MTSS1: variants seen among roughly 807,000 people sequenced by gnomAD.
The protein encoded by MTSS1 is protein MTSS 1.
In MTSS1, 18 loss-of-function variants were observed where a neutral mutation model predicts 79.0. The observed-to-expected ratio is 0.23, with a 90% CI of 0.16 to 0.34. The LOEUF (loss-of-function observed/expected upper bound fraction) is 0.34. Ranked by LOEUF, MTSS1 falls within the 10% of genes least tolerant of loss-of-function variation. The probability of loss-of-function intolerance (pLI) is 1.00; values close to 1 mark genes in which losing one functional copy is unlikely to be tolerated. For missense variants in MTSS1, 815 were observed against 986.2 expected, an observed-to-expected ratio of 0.83 and a Z score of 2.33; for synonymous variants, 341 against 368.6, an observed-to-expected ratio of 0.93 and a Z score of 0.86.
rs150083467 is a variant in MTSS1 at position 124,722,885 on chromosome 8, G to A, written c.72+4999C>T. On this transcript the variant is annotated intron_variant, in intron 1 of 13. Coordinates refer to ENST00000518547, the MANE Select transcript of MTSS1 (RefSeq NM_014751.6). ...GACCTCATTTGTCCATACCCAATTCGAACATCTAAATGGTCTCACTACAGA... is the reference window on the plus strand; with the variant it reads ...GACCTCATTTGTCCATACCCAATTCAAACATCTAAATGGTCTCACTACAGA... Among the ~76,000 whole-genome samples the A allele has an allele frequency of 5.9e-5, 9 of 152,200 alleles. No individual in the cohort carries two copies. The East Asian group carries it at 1.7e-3, about 29-fold the overall frequency.
intron 3 of MTSS1, among the ~76,000 whole-genome samples, chr8:124,611,113 C>CCA (rs1554671348): frequency 1.3e-5 from 2 of 148,702 alleles, no homozygotes; most frequent in African/African-American, 5.0e-5. Flanking sequence ...CAGACCCCCC[C>CCA]CCCCCAGCAT....
intron 3 of MTSS1, among the ~76,000 whole-genome samples, chr8:124,679,192 A>G (rs902764478): frequency 1.3e-5 from 2 of 152,238 alleles, no homozygotes; most frequent in African/African-American, 4.8e-5. Flanking sequence ...TGGCATCTCA[A>G]CTTGGGTTTG....
chr8:124,715,684 CA>C (rs1407978435), intron 1 of MTSS1, among the ~76,000 whole-genome samples: 1 of 128,986 alleles, frequency 7.8e-6, no homozygotes, highest in Non-Finnish European at 1.6e-5. Flanking sequence ...TTTCCATAGC[CA>C]TTTTTTTTTT....
intron 3 of MTSS1, among the ~76,000 whole-genome samples, chr8:124,624,259 G>C (rs2133636475): frequency 6.6e-6 from 1 of 152,254 alleles, no homozygotes; most frequent in Admixed American, 6.5e-5. Context: ...TATTATTTTT[G>C]CACTATCAGA....
chr8:124,617,219 A>C (rs9987267), intron 3 of MTSS1, among the ~76,000 whole-genome samples: 1 of 151,962 alleles, frequency 6.6e-6, no homozygotes, highest in Non-Finnish European at 1.5e-5. Context: ...AGGCGGGGCA[A>C]CTCTTTCTTT....
At chr8:124,611,513 C>T (rs1282545589) in intron 3 of MTSS1, among the ~76,000 whole-genome samples, 1 of 152,038 alleles carries the variant, frequency 6.6e-6, no homozygotes, top group East Asian at 1.9e-4. Context: ...CTCCTACAGG[C>T]CTACTTCCAT....
chr8:124,668,849 C>T (rs761487642), intron 3 of MTSS1, among the ~76,000 whole-genome samples: 11 of 152,168 alleles, frequency 7.2e-5, no homozygotes, highest in Non-Finnish European at 1.5e-4. Flanking sequence ...CCTTTGTTCC[C>T]GTGAAGTGCA....
intron 3 of MTSS1, among the ~76,000 whole-genome samples, chr8:124,664,560 A>C (rs901026104): frequency 5.9e-5 from 9 of 152,232 alleles, no homozygotes; most frequent in Admixed American, 5.2e-4. Context: ...TTAAATAGGC[A>C]TATGACCACT....
At chr8:124,556,705 A>G (rs1349809993) in intron 11 of MTSS1, 1 of 411,476 alleles carries the variant, frequency 2.4e-6, no homozygotes, top group East Asian at 4.5e-5. Context: ...GGTGTAAGCT[A>G]AGGGGACCCA....
intron 6 of MTSS1, among the ~76,000 whole-genome samples, chr8:124,577,002 C>T (rs1257031347): frequency 2.0e-5 from 3 of 152,178 alleles, no homozygotes; most frequent in Non-Finnish European, 2.9e-5. Context: ...CCTTAACAGT[C>T]CTATTGTGTA....
intron 3 of MTSS1, among the ~76,000 whole-genome samples, chr8:124,653,890 G>A (rs1037928525): frequency 6.6e-5 from 10 of 152,140 alleles, no homozygotes; most frequent in Admixed American, 4.6e-4. Flanking sequence ...GACACAAATC[G>A]CATTCAACAG....
At chr8:124,711,570 G>T (rs1278782799) in intron 1 of MTSS1, among the ~76,000 whole-genome samples, 1 of 152,172 alleles carries the variant, frequency 6.6e-6, no homozygotes, top group South Asian at 2.1e-4. Flanking sequence ...CGCTTTACAT[G>T]TGGGTCCTAT....
At chr8:124,566,660 G>A (rs1030111430) in intron 8 of MTSS1, among the ~76,000 whole-genome samples, 20 of 152,306 alleles carry the variant, frequency 1.3e-4, no homozygotes, top group African/African-American at 4.1e-4. Flanking sequence ...ACACACCAGC[G>A]ACGTGTTCTT....
chr8:124,690,898 A>T lies in MTSS1; in HGVS notation c.208+8628T>A, dbSNP rs28524618. ...AAAAACACTCTTTAAAAATATACAG[A>T]TTCATTTGTTATTTCTAGTTCTTAT... On this transcript the variant is annotated intron_variant, in intron 3 of 13. Transcript: ENST00000518547. 9.8e-3 allele frequency among the ~76,000 whole-genome samples: 1,497 copies of T among 152,332 alleles called. 7 individuals are homozygous for T. The highest frequency in any genetic ancestry group is 0.016 in the Non-Finnish European group (1,083 of 68,036).
chr8:124,646,672 C>CA (rs1255905437), intron 3 of MTSS1, among the ~76,000 whole-genome samples: 6 of 152,184 alleles, frequency 3.9e-5, no homozygotes, highest in African/African-American at 1.4e-4. Flanking sequence ...AAACCATCCA[C>CA]AGAGAACAGA....
intron 3 of MTSS1, among the ~76,000 whole-genome samples, chr8:124,681,644 C>T (rs1173523602): frequency 6.6e-6 from 1 of 151,946 alleles, no homozygotes; most frequent in African/African-American, 2.4e-5. Flanking sequence ...AAAAATTAGC[C>T]GGGTGTGGTG....
intron 3 of MTSS1, among the ~76,000 whole-genome samples, chr8:124,611,296 C>T (rs543771697): frequency 2.0e-5 from 3 of 152,290 alleles, no homozygotes; most frequent in African/African-American, 7.2e-5. Flanking sequence ...GGGGGGATTG[C>T]TGGGTAAGTG....
chr8:124,726,004 A>G (rs1833644686), intron 1 of MTSS1, among the ~76,000 whole-genome samples: 2 of 152,234 alleles, frequency 1.3e-5, no homozygotes, highest in South Asian at 4.1e-4. Flanking sequence ...AAACTTTAAA[A>G]TAAATGATTT....
chr8:124,656,781 C>CAAAAAAAAAAAAAAAA (rs59332225), intron 3 of MTSS1, among the ~76,000 whole-genome samples: 26 of 51,174 alleles, frequency 5.1e-4, no homozygotes, highest in Middle Eastern at 9.3e-3. Flanking sequence ...GACTCCATCT[C>CAAAAAAAAAAAAAAAA]AAAAAAAAAA....
Sources: gnomAD v4.1 joint callset for allele counts (sites outside exome capture counted in the v4.1 genomes callset) on GRCh38, gnomAD v4.1.1 for gene constraint, MANE v1.5 for transcripts, NCBI Gene and HGNC (gene_info 2026-07-23, HGNC 2026-07-21) for gene names.